The following GLDN variants were observed in gnomAD, a reference collection of about 807,000 sequenced individuals.
GLDN encodes gliomedin.
GLDN carries 47 observed loss-of-function variants against 56.5 expected under a neutral mutation model. The ratio of observed to expected loss-of-function variants is 0.83; its 90% CI spans 0.66 to 1.06. The LOEUF (loss-of-function observed/expected upper bound fraction) is 1.06. Ranked by LOEUF, GLDN falls within the 50% of genes least tolerant of loss-of-function variation. GLDN has a pLI of 0.00. For synonymous variants in GLDN, 332 were observed against 278.8 expected, an observed-to-expected ratio of 1.19 and a Z score of -1.90; for missense variants, 782 against 714.3, an observed-to-expected ratio of 1.09 and a Z score of -1.08.
rs138357079 is a variant in GLDN at position 51,404,141 on chromosome 15, C to T, written c.1179-136C>T. ...CAAGGACCAGCAGAGCAGGCATTAC[C>T]TGGGAGCTTGTAAGGAATGCAAAAT... is the stretch of plus-strand genomic sequence containing the variant. On this transcript the variant is annotated intron_variant, in intron 9 of 9. Coordinates refer to ENST00000335449, the MANE Select transcript of GLDN (RefSeq NM_181789.4). 3.6e-4 allele frequency: 248 copies of T among 695,008 alleles called. No homozygotes were observed. In the East Asian group the frequency reaches 6.0e-3, roughly 17 times the overall value. 43.1% of individuals were successfully genotyped at this position (695,008 alleles called of 1,614,324 possible).
rs150795253 is a variant in GLDN, at chr15:51,368,711, C to T, written c.364-8738C>T. On this transcript the variant is annotated intron_variant, in intron 1 of 9. Coordinates refer to ENST00000335449, the MANE Select transcript of GLDN (RefSeq NM_181789.4). ...TCTCAAATTTACAGCAGTTACAGCT[C>T]AGTTTCAAGAGCATAAAGGAGGAAG... 1.8e-4 allele frequency among the ~76,000 whole-genome samples: 28 copies of T among 152,214 alleles called. 1 individual carries two copies. Among genetic ancestry groups the T allele is most frequent in the African/African-American group, 6.3e-4 (26 of 41,520 alleles).
At chr15:51,358,154 C>T (rs2470184) in intron 1 of GLDN, among the ~76,000 whole-genome samples, 25,843 of 152,032 alleles carry the variant, frequency 0.17, 2,714 homozygotes, top group East Asian at 0.49. Context: ...ACTTATGGGC[C>T]GAAAACAATA....
chr15:51,369,663 G>A (rs2037475172), intron 1 of GLDN, among the ~76,000 whole-genome samples: 1 of 152,222 alleles, frequency 6.6e-6, no homozygotes, highest in African/African-American at 2.4e-5. Flanking sequence ...TGATGAGAAA[G>A]ACATGCTTTT....
In GLDN at chr15:51,404,411, A is replaced by G. The variant is rs768312410; in HGVS notation, c.1313A>G (p.Tyr438Cys). 3 of 1,614,218 alleles carry G rather than the reference A, an allele frequency of 1.9e-6. No individual in the cohort carries two copies. Among genetic ancestry groups the G allele is most frequent in the African/African-American group, 1.3e-5 (1 of 75,042 alleles). The change falls in exon 10 of 10, where the codon TAT becomes TGT. Residue 438 changes from tyrosine to cysteine, a missense_variant. By Grantham distance (194) the Tyr-to-Cys change is radical. Transcript: ENST00000335449. ...AVDEKGLWII[Y>C]ASSVDGSSIL... ...GATGAAAAGGGCCTTTGGATTATCT[A>G]TGCGTCAAGTGTGGACGGCTCGAGC...
At chr15:51,411,434 A>T (rs17648186), downstream of GLDN, among the ~76,000 whole-genome samples, 8,983 of 152,290 alleles carry the variant, frequency 0.059, 550 homozygotes, top group African/African-American at 0.16. Context: ...GCCACTTCCA[A>T]GTTGCAGTTT....
At chr15:51,392,277 G>A (rs2038039120) in intron 4 of GLDN, among the ~76,000 whole-genome samples, 1 of 152,182 alleles carries the variant, frequency 6.6e-6, no homozygotes, top group Non-Finnish European at 1.5e-5. Context: ...AGATGATTGA[G>A]CAAAGCTTCA....
intron 1 of GLDN, among the ~76,000 whole-genome samples, chr15:51,345,988 G>GT (rs1356939563): frequency 1.3e-5 from 2 of 152,188 alleles, no homozygotes; most frequent in African/African-American, 4.8e-5. Context: ...ACCTGTGTGT[G>GT]TATCTATATA....
At chr15:51,352,168 G>C (rs1178085425) in intron 1 of GLDN, among the ~76,000 whole-genome samples, 2 of 152,014 alleles carry the variant, frequency 1.3e-5, no homozygotes, top group African/African-American at 4.8e-5. Flanking sequence ...GTGAGGGTCT[G>C]TTTTCTGGTT....
At chr15:51,384,810 A>G (rs953117749) in intron 4 of GLDN, 2 of 151,772 alleles carry the variant, frequency 1.3e-5, no homozygotes, top group Admixed American at 1.3e-4. Flanking sequence ...TCAGCCGGAG[A>G]CTCCACTGCA....
At chr15:51,376,519 C>T (rs1202270670) in intron 1 of GLDN, among the ~76,000 whole-genome samples, 2 of 152,168 alleles carry the variant, frequency 1.3e-5, no homozygotes, top group Non-Finnish European at 2.9e-5. Context: ...TACACTTAGG[C>T]TACACCAAAT....
intron 2 of GLDN, among the ~76,000 whole-genome samples, chr15:51,380,243 G>T (rs79016621): frequency 0.097 from 14,788 of 152,124 alleles, 1,425 homozygotes; most frequent in African/African-American, 0.24. Flanking sequence ...ATTTCTAGAC[G>T]GCGACTGCAG....
Position 51,386,319 on chromosome 15 carries a change from C to T in GLDN, c.541+2427C>T, listed in dbSNP as rs151040521. ...CAAAGGCTATCTGAAGAGCCCAGCT[C>T]GATGGGATCGCTCACTTCATGGGCC... On this transcript the variant is annotated intron_variant, in intron 4 of 9. Transcript: ENST00000335449. Among the ~76,000 whole-genome samples, 244 of 152,270 alleles carry T rather than the reference C, an allele frequency of 1.6e-3. No individual in the cohort carries two copies. In the East Asian group the frequency reaches 0.024, roughly 15 times the overall value.
intron 2 of GLDN, among the ~76,000 whole-genome samples, chr15:51,378,090 T>TCCC (rs2037674900): frequency 6.6e-6 from 1 of 152,160 alleles, no homozygotes; most frequent in Non-Finnish European, 1.5e-5. Context: ...CCCCAATATT[T>TCCC]CCCCCACCTC....
chr15:51,357,928 C>G (rs889349754), intron 1 of GLDN, among the ~76,000 whole-genome samples: 3 of 152,156 alleles, frequency 2.0e-5, no homozygotes, highest in Non-Finnish European at 4.4e-5. Context: ...GTGCCCTGTC[C>G]CTCGTACCTG....
At chr15:51,411,026 G>A (rs944649666), downstream of GLDN, among the ~76,000 whole-genome samples, 5 of 152,150 alleles carry the variant, frequency 3.3e-5, no homozygotes, top group African/African-American at 4.8e-5. Flanking sequence ...ATGGTATAGC[G>A]GTAGAAAGGA....
chr15:51,376,877 C>G (rs1011037141), intron 1 of GLDN, among the ~76,000 whole-genome samples: 22 of 152,168 alleles, frequency 1.4e-4, no homozygotes, highest in African/African-American at 5.1e-4. Flanking sequence ...ATGCATGGAG[C>G]TGTGACAACA....
intron 4 of GLDN, among the ~76,000 whole-genome samples, chr15:51,386,984 C>G (rs2037909893): frequency 6.6e-6 from 1 of 152,114 alleles, no homozygotes; most frequent in Non-Finnish European, 1.5e-5. Context: ...CCTTGGAAAA[C>G]AGGTCTGTAG....
intron 1 of GLDN, among the ~76,000 whole-genome samples, chr15:51,342,619 G>A (rs942129758): frequency 1.3e-5 from 2 of 152,226 alleles, no homozygotes; most frequent in Non-Finnish European, 1.5e-5. Flanking sequence ...CTGGGACCTA[G>A]ATGCTGGGAA....
At chr15:51,412,148 A>T (rs551321014), downstream of GLDN, among the ~76,000 whole-genome samples, 1 of 152,330 alleles carries the variant, frequency 6.6e-6, no homozygotes, top group South Asian at 2.1e-4. Flanking sequence ...GTCTTTTTTA[A>T]ATCAATTTTC....
Sources: gnomAD v4.1 joint callset for allele counts (sites outside exome capture counted in the v4.1 genomes callset) on GRCh38, gnomAD v4.1.1 for gene constraint, MANE v1.5 for transcripts, NCBI Gene and HGNC (gene_info 2026-07-23, HGNC 2026-07-21) for gene names.